The following AHNAK2 variants were observed in gnomAD, a reference collection of about 807,000 sequenced individuals.
The protein encoded by AHNAK2 is AHNAK nucleoprotein 2, also known as protein AHNAK2.
Under a neutral mutation model 30.7 loss-of-function variants are expected in AHNAK2, and 18 were observed. That is an observed-to-expected ratio of 0.59 (90% CI 0.41 to 0.87). The LOEUF (loss-of-function observed/expected upper bound fraction) is 0.87, where lower values mean the gene tolerates loss of function less well. AHNAK2 is among the 40% of genes least tolerant of loss of function. AHNAK2 has a pLI of 0.00. For synonymous variants in AHNAK2, 3,590 were observed against 3,073.8 expected (o/e 1.17, Z -5.56); for missense variants, 8,604 against 7,373.0 (o/e 1.17, Z -6.11).
chr14:104,939,149 G>A lies in AHNAK2; in HGVS notation c.16302C>T (p.Ala5434=), dbSNP rs373607645. The A allele has an allele frequency of 5.6e-6, 9 of 1,611,682 alleles. No homozygotes were observed. The highest frequency in any genetic ancestry group is 1.3e-5 in the African/African-American group (1 of 75,014). Residue 5434 remains alanine (A), a synonymous_variant, in exon 7 of 7, where the codon GCC becomes GCT. Transcript: ENST00000333244. ...CCCCAGCACCTGCCTTCAGGATGCT[G>A]GCTCCCCAGAGCCCCGGACTTTCCT... The part of the protein sequence containing the change: ...LCKESPGLWG[A]SILKAGAGVP...
At position 104,940,421 on chromosome 14, in the gene AHNAK2, A is replaced by G; in HGVS notation, c.15030T>C (p.Asp5010=). 1 of 1,613,640 alleles carries G rather than the reference A, an allele frequency of 6.2e-7. No homozygotes were observed. Among genetic ancestry groups the G allele is most frequent in the Non-Finnish European group, 8.5e-7 (1 of 1,179,844 alleles). Residue 5010 remains aspartate, a synonymous_variant, in exon 7 of 7, where the codon GAT becomes GAC. Coordinates refer to ENST00000333244, the MANE Select transcript of AHNAK2 (RefSeq NM_138420.4). The surrounding 1 kb of genome is among the most constrained non-coding windows in gnomAD (Gnocchi z 4.4). ...GCTTTGTGCTCCTCCCCTTCTCTCC[A>G]TCCCTCTCAGGAGGCAGATCCATGT... ...AIHMDLPPER[D]GEKGRSTKPG...
In AHNAK2 at chr14:104,948,108, C is replaced by G. The variant is rs749939346; in HGVS notation, c.7343G>C (p.Ser2448Thr). The change falls in exon 7 of 7, where the codon AGC becomes ACC. Residue 2448 changes from serine (S) to threonine (T), a missense_variant. Physicochemically the swap from Ser to Thr is moderately conservative, Grantham distance 58 (BLOSUM62 1). Coordinates refer to ENST00000333244, the MANE Select transcript of AHNAK2 (RefSeq NM_138420.4). ...MAPDVEVSQP[S>T]VEVDVEAPGA... ...CGGGGCCTCGACATCCACCTCCACG[C>G]TGGGCTGAGACACCTCCACGTCGGG... The G allele has an allele frequency of 3.1e-6, 5 of 1,612,784 alleles. No individual in the cohort carries two copies. The highest frequency in any genetic ancestry group is 1.3e-5 in the African/African-American group (1 of 74,452).
At chr14:104,969,601 A>G (rs1348307921) in intron 1 of AHNAK2, among the ~76,000 whole-genome samples, 1 of 152,212 alleles carries the variant, frequency 6.6e-6, no homozygotes, top group Non-Finnish European at 1.5e-5. Context: ...AGTGCATGGG[A>G]AAAAGGAAGG....
intron 1 of AHNAK2, among the ~76,000 whole-genome samples, chr14:104,963,994 C>T (rs189650883): frequency 1.3e-5 from 2 of 152,264 alleles, no homozygotes; most frequent in Admixed American, 1.3e-4. Flanking sequence ...TTTGATCCAG[C>T]AGTCCCACTA....
At position 104,940,386 on chromosome 14, in the gene AHNAK2, G is replaced by A. The variant is rs752130055; in HGVS notation, c.15065C>T (p.Ala5022Val). 2 of 1,613,868 alleles carry A rather than the reference G, an allele frequency of 1.2e-6. No homozygotes were observed. Among genetic ancestry groups the A allele is most frequent in the Non-Finnish European group, 1.7e-6 (2 of 1,179,876 alleles). ...TTTGGGAAGTGCAAGTTTTGGCATGGCAAAGCCAGGCTTTGTGCTCCTCCC... is the reference window on the plus strand; with the variant it reads ...TTTGGGAAGTGCAAGTTTTGGCATGACAAAGCCAGGCTTTGTGCTCCTCCC... ...EKGRSTKPGF[A>V]MPKLALPKMK... The change falls in exon 7 of 7, where the codon GCC becomes GTC. Residue 5022 changes from alanine (A) to valine (V), a missense_variant. Coordinates refer to ENST00000333244, the MANE Select transcript of AHNAK2 (RefSeq NM_138420.4). The surrounding 1 kb of genome is among the most constrained non-coding windows in gnomAD (Gnocchi z 4.4).
rs1566902355 is a variant in AHNAK2, at chr14:104,944,600, A to C, written c.10851T>G (p.Ala3617=). 1.2e-6 allele frequency: 2 copies of C among 1,613,118 alleles called. No homozygotes were observed. Among genetic ancestry groups the C allele is most frequent in the Non-Finnish European group, 1.7e-6 (2 of 1,179,616 alleles). Residue 3617 remains alanine, a synonymous_variant, in exon 7 of 7, where the codon GCT becomes GCG. Transcript: ENST00000333244. ...DVQAPKAKLD[A]GRLEGDLSLA... is the part of the protein sequence containing the mutation. ...GGGACAGGTCTCCCTCCAGCCGCCC[A>C]GCATCCAGCTTGGCCTTCGGGGCCT...
chr14:104,940,982 G>C lies in AHNAK2; in HGVS notation c.14469C>G (p.Pro4823=). The C allele has an allele frequency of 6.2e-7, 1 of 1,613,202 alleles. No individual in the cohort carries two copies. Among genetic ancestry groups the C allele is most frequent in the East Asian group, 2.2e-5 (1 of 44,880 alleles). Residue 4823 remains proline (P), a synonymous_variant, in exon 7 of 7, where the codon CCC becomes CCG. Coordinates refer to ENST00000333244, the MANE Select transcript of AHNAK2 (RefSeq NM_138420.4). The surrounding 1 kb of genome is among the most constrained non-coding windows in gnomAD (Gnocchi z 4.4). ...GCAGGTCAGTGGAGCACTCTGTCTT[G>C]GGAAGAGGAATATCAGCCTGAGACC... is the stretch of plus-strand genomic sequence containing the variant. ...PSGSQADIPL[P]KTECSTDLQP... is the part of the protein sequence containing the mutation.
chr14:104,950,130 T>G lies in AHNAK2; in HGVS notation c.5321A>C (p.Lys1774Thr). ...KGPKLDLKGP[K>T]AEVMAPDVEV... ...CACGTCGGGGGCCATCACCTCCGCC[T>G]TGGGGCCTTTCAGGTCCAGCTTGGG... The change falls in exon 7 of 7, where the codon AAG becomes ACG. Residue 1774 changes from lysine (K) to threonine (T), a missense_variant. Lys to Thr is a moderately conservative substitution (Grantham distance 78). Transcript: ENST00000333244. The G allele has an allele frequency of 3.2e-6, 5 of 1,586,798 alleles. No individual in the cohort carries two copies. In the East Asian group the frequency reaches 1.1e-4, roughly 36 times the overall value.
At position 104,952,052 on chromosome 14, in the gene AHNAK2, G is replaced by T; in HGVS notation, c.3399C>A (p.Val1133=). The T allele has an allele frequency of 6.2e-7, 1 of 1,612,466 alleles. No homozygotes were observed. The highest frequency in any genetic ancestry group is 8.5e-7 in the Non-Finnish European group (1 of 1,179,448). The change falls in exon 7 of 7, where the codon GTC becomes GTA. Residue 1133 remains valine, a synonymous_variant. Transcript: ENST00000333244. ...TGTCCAGCTTGGCTCCCGGGGCCTCGACGTCCACCTCCACGCTGGGCAGAG... is the reference window on the plus strand; with the variant it reads ...TGTCCAGCTTGGCTCCCGGGGCCTCTACGTCCACCTCCACGCTGGGCAGAG... ...EVSLPSVEVD[V]EAPGAKLDSA...
At position 104,947,533 on chromosome 14, in the gene AHNAK2, C is replaced by T; in HGVS notation, c.7918G>A (p.Gly2640Ser). The T allele has an allele frequency of 6.2e-7, 1 of 1,612,512 alleles. No homozygotes were observed. The highest frequency in any genetic ancestry group is 1.1e-5 in the South Asian group (1 of 91,006). ...LEGDLSLADK[G>S]VTAKDSKFKM... ...AACTTGCTATCTTTGGCTGTCACAC[C>T]CTTGTCGGCCAGGGACAGGTCCCCC... Residue 2640 changes from glycine to serine, a missense_variant, in exon 7 of 7, where the codon GGT becomes AGT. By Grantham distance (56) the Gly-to-Ser change is moderately conservative. Coordinates refer to ENST00000333244, the MANE Select transcript of AHNAK2 (RefSeq NM_138420.4).
rs371150248 is a variant in AHNAK2, at chr14:104,974,535, T to C, written c.55+3648A>G. ...TTTTCATGACCAGTCCCGGTCTCCA[T>C]TGGGCCAGTTGTCCTCCAGGGAGCC... On this transcript the variant is annotated intron_variant, in intron 1 of 6. Coordinates refer to ENST00000333244, the MANE Select transcript of AHNAK2 (RefSeq NM_138420.4). Among the ~76,000 whole-genome samples, 64 of 152,380 alleles carry C rather than the reference T, an allele frequency of 4.2e-4. 1 individual carries two copies. The South Asian group carries it at 0.012, about 30-fold the overall frequency.
intron 1 of AHNAK2, among the ~76,000 whole-genome samples, chr14:104,970,720 A>C (rs9805957): frequency 0.52 from 78,738 of 151,746 alleles, 21,750 homozygotes; most frequent in Middle Eastern, 0.64. Flanking sequence ...CTGAGTGCCC[A>C]CCCCCAGCCT....
chr14:104,941,367 A>G lies in AHNAK2; in HGVS notation c.14084T>C (p.Met4695Thr), dbSNP rs1165850838. ...NLGLAVGEVG[M>T]DSKFKKLHFK... ...ATGCAGTTTCTTAAACTTCGAATCCATTCCAACTTCTCCAACAGCAAGCCC... is the reference window on the plus strand; with the variant it reads ...ATGCAGTTTCTTAAACTTCGAATCCGTTCCAACTTCTCCAACAGCAAGCCC... Residue 4695 changes from methionine to threonine, a missense_variant, in exon 7 of 7, where the codon ATG becomes ACG. Met to Thr is a moderately conservative substitution (Grantham distance 81, BLOSUM62 -1). Coordinates refer to ENST00000333244, the MANE Select transcript of AHNAK2 (RefSeq NM_138420.4). 1 of 1,613,534 alleles carries G rather than the reference A, an allele frequency of 6.2e-7. No individual in the cohort carries two copies. Among genetic ancestry groups the G allele is most frequent in the Non-Finnish European group, 8.5e-7 (1 of 1,179,892 alleles).
rs1365842346 is a variant in AHNAK2, at chr14:104,940,797, T to C, written c.14654A>G (p.His4885Arg). 1.9e-6 allele frequency: 3 copies of C among 1,613,084 alleles called. No individual in the cohort carries two copies. The highest frequency in any genetic ancestry group is 2.5e-6 in the Non-Finnish European group (3 of 1,179,904). Residue 4885 changes from histidine (H) to arginine (R), a missense_variant, in exon 7 of 7, where the codon CAT becomes CGT. His to Arg is a conservative substitution (Grantham distance 29). Coordinates refer to ENST00000333244, the MANE Select transcript of AHNAK2 (RefSeq NM_138420.4). The surrounding 1 kb of genome is among the most constrained non-coding windows in gnomAD (Gnocchi z 4.4). ...PQMAVPEGDL[H>R]AAVGAPVMSP... ...CATGACTGGGGCACCCACTGCTGCA[T>C]GTAGGTCTCCCTCAGGAACTGCCAT...
In AHNAK2 at chr14:104,945,137, G is replaced by A. The variant is rs1441278058; in HGVS notation, c.10314C>T (p.Ser3438=). The A allele has an allele frequency of 4.3e-6, 7 of 1,612,976 alleles. No homozygotes were observed. The highest frequency in any genetic ancestry group is 1.3e-5 in the African/African-American group (1 of 74,554). The change falls in exon 7 of 7, where the codon AGC becomes AGT. Residue 3438 remains serine (S), a synonymous_variant. Coordinates refer to ENST00000333244, the MANE Select transcript of AHNAK2 (RefSeq NM_138420.4). ...TVPDVEVSLP[S]VEVDVQAPRA... ...TCGGGGCCTGGACGTCCACCTCCAC[G>A]CTGGGCAGAGACACCTCCACATCAG...
intron 1 of AHNAK2, among the ~76,000 whole-genome samples, chr14:104,961,508 A>G (rs1044244523): frequency 5.0e-4 from 72 of 145,390 alleles, no homozygotes; most frequent in African/African-American, 1.8e-3. Context: ...GCGAGACCCC[A>G]TCTTAAAAAA....
Position 104,938,235 on chromosome 14 carries a change from C to CT in AHNAK2, c.17215dup (p.Ser5739LysfsTer5). The CT allele has an allele frequency of 1.9e-6, 3 of 1,613,902 alleles. No individual in the cohort carries two copies. Among genetic ancestry groups the CT allele is most frequent in the Non-Finnish European group, 2.5e-6 (3 of 1,179,870 alleles). On this transcript the variant is annotated frameshift_variant, in exon 7 of 7. Transcript: ENST00000333244. LOFTEE classifies it low-confidence loss of function (END_TRUNC). ...CTCTTCCTTCTCTTCAGGGGAGAAA[C>CT]TTTCTCGGGCATCAAAAAACGTGAT... is the stretch of plus-strand genomic sequence containing the variant.
At chr14:104,969,909 A>G (rs1899426004) in intron 1 of AHNAK2, among the ~76,000 whole-genome samples, 1 of 151,990 alleles carries the variant, frequency 6.6e-6, no homozygotes, top group Admixed American at 6.5e-5. Context: ...CCAGGCCCCC[A>G]CAGCCCACCT....
rs370987429 is a variant in AHNAK2, at chr14:104,950,673, C to A, written c.4778G>T (p.Gly1593Val). ...SFKMPKVDLK[G>V]PQIDVKGPKL... ...GGGGCCCTTAACATCTATCTGGGGCCCCTTGAGGTCCACTTTGGGCATCTT... is the reference window on the plus strand; with the variant it reads ...GGGGCCCTTAACATCTATCTGGGGCACCTTGAGGTCCACTTTGGGCATCTT... Residue 1593 changes from glycine (G) to valine (V), a missense_variant, in exon 7 of 7, where the codon GGG becomes GTG. Transcript: ENST00000333244. 1.9e-6 allele frequency: 3 copies of A among 1,587,340 alleles called. No homozygotes were observed. In the South Asian group the frequency reaches 3.3e-5, roughly 18 times the overall value.
Sources: gnomAD v4.1 joint callset for allele counts (sites outside exome capture counted in the v4.1 genomes callset) on GRCh38, gnomAD v4.1.1 for gene constraint, Gnocchi (gnomAD v3.1) non-coding constraint, MANE v1.5 for transcripts, NCBI Gene and HGNC (gene_info 2026-07-23, HGNC 2026-07-21) for gene names.